WWOX: variants seen among roughly 807,000 people sequenced by gnomAD.
The protein encoded by WWOX is WW domain-containing oxidoreductase.
WWOX carries 69 observed loss-of-function variants against 46.2 expected under a neutral mutation model. That is an observed-to-expected ratio of 1.49 (90% CI 1.23 to 1.82). The LOEUF is 1.82. Among genes scored for constraint, WWOX ranks in the 40% most tolerant of loss-of-function variants. The pLI is 0.00. For missense variants in WWOX, 919 were observed against 542.6 expected, an observed-to-expected ratio of 1.69 and a Z score of -6.89; for synonymous variants, 359 against 202.6, an observed-to-expected ratio of 1.77 and a Z score of -6.56.
intron 8 of WWOX, chr16:78,757,058 A>G: frequency 2.8e-6 from 2 of 702,486 alleles, no homozygotes; most frequent in Non-Finnish European, 5.2e-6. Flanking sequence ...GCCCTAGTTA[A>G]GCCTTGAGGT....
At chr16:78,319,843 T>C (rs1279205034) in intron 5 of WWOX, among the ~76,000 whole-genome samples, 2 of 152,178 alleles carry the variant, frequency 1.3e-5, no homozygotes, top group South Asian at 2.1e-4. Flanking sequence ...AGCAAAACTT[T>C]TACTCTTCAG....
intron 8 of WWOX, among the ~76,000 whole-genome samples, chr16:78,712,736 G>T (rs1012194292): frequency 6.6e-6 from 1 of 151,974 alleles, no homozygotes; most frequent in African/African-American, 2.4e-5. Context: ...GATGCATACC[G>T]AAAAATCTAC....
chr16:78,628,354 T>C (rs1438313930), intron 8 of WWOX, among the ~76,000 whole-genome samples: 2 of 152,116 alleles, frequency 1.3e-5, no homozygotes, highest in East Asian at 3.9e-4. Context: ...CTTTGTTTGC[T>C]CTAAATATAC....
intron 8 of WWOX, among the ~76,000 whole-genome samples, chr16:79,071,494 A>T (rs537390256): frequency 6.6e-6 from 1 of 152,292 alleles, no homozygotes; most frequent in East Asian, 1.9e-4. Flanking sequence ...TTTTCTCTCT[A>T]GTTTGAAAAC....
intron 8 of WWOX, chr16:78,525,843 T>C (rs1271459323): frequency 4.6e-5 from 2 of 43,022 alleles, no homozygotes; most frequent in East Asian, 7.4e-3. Context: ...TGCACACTGC[T>C]TTAAAAAAAA....
chr16:78,804,716 T>A (rs900819366), intron 8 of WWOX, among the ~76,000 whole-genome samples: 1 of 152,234 alleles, frequency 6.6e-6, no homozygotes, highest in Non-Finnish European at 1.5e-5. Flanking sequence ...TGCTTGATAG[T>A]TTTTTATGTG....
In WWOX at chr16:79,001,842, G is replaced by A. The variant is rs113022515; in HGVS notation, c.1057-209766G>A. Among the ~76,000 whole-genome samples, 1,113 of 152,244 alleles carry A rather than the reference G, an allele frequency of 7.3e-3. 10 individuals are homozygous for A. Among genetic ancestry groups the A allele is most frequent in the African/African-American group, 0.026 (1,061 of 41,548 alleles). On this transcript the variant is annotated intron_variant, in intron 8 of 8. Transcript: ENST00000566780. ...GAGAGGTGCTTATGTAATAACTGCAGTGGTGTCGCTTTAGAAAAAGTTACA... is the reference window on the plus strand; with the variant it reads ...GAGAGGTGCTTATGTAATAACTGCAATGGTGTCGCTTTAGAAAAAGTTACA...
chr16:78,160,048 T>C (rs186345722), intron 4 of WWOX, among the ~76,000 whole-genome samples: 26 of 152,258 alleles, frequency 1.7e-4, no homozygotes, highest in Admixed American at 5.2e-4. Flanking sequence ...TATTTTATGT[T>C]TGTTTTAGAT....
chr16:78,386,619 A>ACCCCC (rs1334403664), intron 5 of WWOX, among the ~76,000 whole-genome samples: 1 of 124,802 alleles, frequency 8.0e-6, no homozygotes, highest in Non-Finnish European at 1.7e-5. Flanking sequence ...ACACAGCACA[A>ACCCCC]CCCACCCCCC....
chr16:78,929,605 G>A (rs2045574795), intron 8 of WWOX, among the ~76,000 whole-genome samples: 1 of 152,160 alleles, frequency 6.6e-6, no homozygotes, highest in Non-Finnish European at 1.5e-5. Flanking sequence ...CAAGGAGGGC[G>A]GGATAAGATT....
chr16:78,564,168 A>G (rs1230092973), intron 8 of WWOX, among the ~76,000 whole-genome samples: 1 of 152,240 alleles, frequency 6.6e-6, no homozygotes, highest in Non-Finnish European at 1.5e-5. Context: ...GACTCATGCA[A>G]TCTTGAGCTA....
intron 5 of WWOX, among the ~76,000 whole-genome samples, chr16:78,369,501 C>T (rs1163791612): frequency 6.6e-6 from 1 of 152,166 alleles, no homozygotes; most frequent in Non-Finnish European, 1.5e-5. Context: ...TCCTCAGGCA[C>T]AACATGCAAC....
At chr16:78,565,913 C>T (rs1173649071) in intron 8 of WWOX, among the ~76,000 whole-genome samples, 2 of 119,264 alleles carry the variant, frequency 1.7e-5, no homozygotes, top group African/African-American at 3.1e-5. Flanking sequence ...CCCCCCGCCC[C>T]CAACATTGAC....
At chr16:78,513,777 C>G (rs1036574088) in intron 8 of WWOX, among the ~76,000 whole-genome samples, 4 of 152,142 alleles carry the variant, frequency 2.6e-5, no homozygotes, top group African/African-American at 9.7e-5. Context: ...ATAGTATTTT[C>G]CAAACTTACG....
intron 8 of WWOX, among the ~76,000 whole-genome samples, chr16:78,952,713 T>G (rs1485144439): frequency 7.9e-5 from 12 of 152,150 alleles, no homozygotes; most frequent in Non-Finnish European, 1.5e-4. Flanking sequence ...TAATTCCTAT[T>G]TTTCCCACCT....
chr16:78,406,822 C>T (rs780626412), intron 6 of WWOX, among the ~76,000 whole-genome samples: 2 of 151,982 alleles, frequency 1.3e-5, no homozygotes, highest in African/African-American at 2.4e-5. Flanking sequence ...AGATGGGTTT[C>T]ACTGTGTTGG....
At chr16:78,583,959 C>T (rs930646160) in intron 8 of WWOX, among the ~76,000 whole-genome samples, 7 of 152,222 alleles carry the variant, frequency 4.6e-5, no homozygotes, top group Non-Finnish European at 8.8e-5. Flanking sequence ...AGCCTCCTTG[C>T]TCCCAAACAC....
At chr16:78,102,795 C>T (rs1169395918) in intron 1 of WWOX, among the ~76,000 whole-genome samples, 3 of 152,176 alleles carry the variant, frequency 2.0e-5, no homozygotes, top group Non-Finnish European at 2.9e-5. Flanking sequence ...TGAGTGTCCC[C>T]AGTGCTTGGC....
At chr16:78,592,550 A>C (rs545350511) in intron 8 of WWOX, among the ~76,000 whole-genome samples, 2 of 152,192 alleles carry the variant, frequency 1.3e-5, no homozygotes, top group Non-Finnish European at 2.9e-5. Flanking sequence ...AAGAATCAGG[A>C]GGCAAAGAGA....
Sources: gnomAD v4.1 joint callset for allele counts (sites outside exome capture counted in the v4.1 genomes callset) on GRCh38, gnomAD v4.1.1 for gene constraint, MANE v1.5 for transcripts, NCBI Gene and HGNC (gene_info 2026-07-23, HGNC 2026-07-21) for gene names.